The following PALS1 variants were observed in gnomAD, a reference collection of about 807,000 sequenced individuals.
The protein encoded by PALS1 is protein PALS1.
A neutral mutation model predicts 78.9 loss-of-function variants in PALS1; 31 were observed. The ratio of observed to expected loss-of-function variants is 0.39; its 90% CI spans 0.30 to 0.53. PALS1 has a LOEUF of 0.53. Among genes scored for constraint, PALS1 ranks in the 20% least tolerant of loss-of-function variants. The pLI is 0.67. For synonymous variants in PALS1, 276 were observed against 270.9 expected, an observed-to-expected ratio of 1.02 and a Z score of -0.18; for missense variants, 704 against 826.5, an observed-to-expected ratio of 0.85 and a Z score of 1.82.
chr14:67,297,138 G>T (rs1024467939), intron 4 of PALS1, among the ~76,000 whole-genome samples: 4 of 152,158 alleles, frequency 2.6e-5, no homozygotes, highest in African/African-American at 9.7e-5. Flanking sequence ...GAAACCAATA[G>T]CATCTTCCCT....
Position 67,302,400 on chromosome 14 carries a change from A to G in PALS1, c.802-10A>G, listed in dbSNP as rs755109915. 6.6e-6 allele frequency: 10 copies of G among 1,505,392 alleles called. No homozygotes were observed. The East Asian group carries it at 9.8e-5, about 15-fold the overall frequency. 93.3% of individuals were successfully genotyped at this position (1,505,392 alleles called of 1,614,324 possible). Reference sequence around the variant, plus strand: ...TTTTATTTTTAAATTATACATATATATATTTTTAGGGTGCTACAGTTCGTA... The same window carrying G: ...TTTTATTTTTAAATTATACATATATGTATTTTTAGGGTGCTACAGTTCGTA... On this transcript the variant is annotated splice_polypyrimidine_tract_variant and intron_variant, in intron 6 of 14. Coordinates refer to ENST00000261681, the MANE Select transcript of PALS1 (RefSeq NM_022474.4).
chr14:67,284,692 T>G (rs551494032), intron 3 of PALS1, among the ~76,000 whole-genome samples: 33 of 151,530 alleles, frequency 2.2e-4, no homozygotes, highest in African/African-American at 7.5e-4. Flanking sequence ...GAATATACTT[T>G]CTTTTTGGAT....
chr14:67,279,664 C>T (rs1454594475), intron 3 of PALS1, 127 bp downstream of exon 3: 4 of 949,712 alleles, frequency 4.2e-6, no homozygotes, highest in Non-Finnish European at 3.0e-6. Flanking sequence ...AGACCAAGAT[C>T]CTTTGTTTTC....
At chr14:67,324,894 T>C (rs1432649308) in intron 14 of PALS1, among the ~76,000 whole-genome samples, 1 of 145,740 alleles carries the variant, frequency 6.9e-6, no homozygotes, top group Non-Finnish European at 1.5e-5. Context: ...CAGCCTTCCT[T>C]TCATTTTTTT....
intron 1 of PALS1, among the ~76,000 whole-genome samples, chr14:67,251,869 C>A (rs889025428): frequency 1.3e-5 from 2 of 152,150 alleles, no homozygotes; most frequent in Non-Finnish European, 2.9e-5. Flanking sequence ...GGCATGGGGC[C>A]CCACCTTCAA....
intron 14 of PALS1, 103 bp downstream of exon 14, chr14:67,323,915 A>C (rs2085308673): frequency 3.1e-6 from 2 of 638,090 alleles, no homozygotes; most frequent in Non-Finnish European, 5.4e-6. Context: ...TTGAGCTTTC[A>C]AACTGATTAT....
At chr14:67,315,317 C>G (rs1249414004) in intron 9 of PALS1, among the ~76,000 whole-genome samples, 1 of 133,040 alleles carries the variant, frequency 7.5e-6, no homozygotes, top group Non-Finnish European at 1.6e-5. Flanking sequence ...CGCTCTGTCT[C>G]CCAGGCTGGA....
At chr14:67,301,517 T>C (rs764887386) in intron 5 of PALS1, 51 bp downstream of exon 5, 1 of 1,369,028 alleles carries the variant, frequency 7.3e-7, no homozygotes, top group Non-Finnish European at 1.0e-6. Context: ...CATTCTTCTA[T>C]TTTTTTAAAT....
chr14:67,332,818 G>T lies in PALS1; in HGVS notation c.1890G>T (p.Glu630Asp). Residue 630 changes from glutamate to aspartate, a missense_variant, in exon 15 of 15, where the codon GAG (glutamate) becomes GAT (aspartate). Physicochemically the swap from Glu to Asp is conservative, Grantham distance 45. Transcript: ENST00000261681. ...ELREIIEKTR[E>D]MEQNNGHYFD... ...GAGAAATCATTGAGAAGACAAGAGA[G>T]ATGGAGCAGAACAATGGCCACTACT... 1 of 1,613,730 alleles carries T rather than the reference G, an allele frequency of 6.2e-7. No individual in the cohort carries two copies. The highest frequency in any genetic ancestry group is 1.1e-5 in the South Asian group (1 of 91,040).
Position 67,332,992 on chromosome 14 carries a change from C to A in PALS1, c.*36C>A. ...CATTCTGTGGCATGTTGGACTTGATCTGGCAAAAACTGCCAATAGGAGGAC... is the reference window on the plus strand; with the variant it reads ...CATTCTGTGGCATGTTGGACTTGATATGGCAAAAACTGCCAATAGGAGGAC... On this transcript the variant is annotated 3_prime_UTR_variant, in exon 15 of 15. Coordinates refer to ENST00000261681, the MANE Select transcript of PALS1 (RefSeq NM_022474.4). The A allele has an allele frequency of 6.4e-7, 1 of 1,568,206 alleles. No individual in the cohort carries two copies. Among genetic ancestry groups the A allele is most frequent in the Non-Finnish European group, 8.7e-7 (1 of 1,149,970 alleles).
chr14:67,287,296 C>T (rs963308812), intron 3 of PALS1, among the ~76,000 whole-genome samples: 1 of 145,402 alleles, frequency 6.9e-6, no homozygotes, highest in African/African-American at 2.7e-5. Context: ...AGGTCTTTTA[C>T]ATTTCCTTAG....
chr14:67,268,782 G>A (rs2084369141), intron 1 of PALS1, among the ~76,000 whole-genome samples: 1 of 152,130 alleles, frequency 6.6e-6, no homozygotes, highest in Non-Finnish European at 1.5e-5. Flanking sequence ...ACTTTGTGCT[G>A]ACCTCCTATC....
intron 4 of PALS1, chr14:67,295,000 A>T (rs1402926106): frequency 6.6e-6 from 1 of 152,112 alleles, no homozygotes; most frequent in Non-Finnish European, 1.5e-5. Context: ...TTTATAAAGA[A>T]AATTTAGAAC....
intron 8 of PALS1, chr14:67,304,118 A>T (rs1291032848): frequency 6.5e-6 from 1 of 153,634 alleles, no homozygotes; most frequent in Non-Finnish European, 1.4e-5. Context: ...CAGTTTCAGA[A>T]TTTTTTTTAT....
In PALS1 at chr14:67,332,919, C is replaced by G. The variant is rs2085471886; in HGVS notation, c.1991C>G (p.Thr664Ser). The change falls in exon 15 of 15, where the codon ACT (threonine) becomes AGT (serine). Residue 664 changes from threonine (T) to serine (S), a missense_variant. Thr to Ser is a moderately conservative substitution (Grantham distance 58, BLOSUM62 1). Transcript: ENST00000261681. ...ELLRLINKLD[T>S]EPQWVPSTWL... is the part of the protein sequence containing the mutation. Reference sequence around the variant, plus strand: ...CTTAGGTTAATTAACAAACTTGATACTGAACCTCAGTGGGTACCATCCACT... The same window carrying G: ...CTTAGGTTAATTAACAAACTTGATAGTGAACCTCAGTGGGTACCATCCACT... 2 of 1,613,496 alleles carry G rather than the reference C, an allele frequency of 1.2e-6. No homozygotes were observed. Among genetic ancestry groups the G allele is most frequent in the Non-Finnish European group, 1.7e-6 (2 of 1,179,598 alleles).
chr14:67,253,398 G>T (rs757645462), intron 1 of PALS1, among the ~76,000 whole-genome samples: 2 of 152,178 alleles, frequency 1.3e-5, no homozygotes, highest in Non-Finnish European at 2.9e-5. Context: ...AAAGTCAAAT[G>T]AGAGAAAACA....
At chr14:67,270,340 G>T (rs1391297222) in intron 2 of PALS1, 1 of 152,218 alleles carries the variant, frequency 6.6e-6, no homozygotes, top group Non-Finnish European at 1.5e-5. Flanking sequence ...ACTATGTAAA[G>T]ATTTTTGTAT....
At chr14:67,260,111 C>G (rs955933470) in intron 1 of PALS1, among the ~76,000 whole-genome samples, 3 of 152,184 alleles carry the variant, frequency 2.0e-5, no homozygotes, top group African/African-American at 7.2e-5. Context: ...ATGCATCTCT[C>G]TAATAAGTGA....
Position 67,312,677 on chromosome 14 carries a change from G to A in PALS1, c.1192G>A (p.Glu398Lys), listed in dbSNP as rs377724838. Residue 398 changes from glutamate (E) to lysine (K), a missense_variant, in exon 9 of 15, where the codon GAA becomes AAA. By Grantham distance (56) the Glu-to-Lys change is moderately conservative. Coordinates refer to ENST00000261681, the MANE Select transcript of PALS1 (RefSeq NM_022474.4). ...GTGGCAGGCCTACAGGGAAGGGGAC[G>A]AAGATAATCAACCTCTAGCCGGGCT... ...NWWQAYREGD[E>K]DNQPLAGLVP... 73 of 1,611,234 alleles carry A rather than the reference G, an allele frequency of 4.5e-5. No individual in the cohort carries two copies. In the Admixed American group the frequency reaches 7.2e-4, roughly 16 times the overall value.
Sources: gnomAD v4.1 joint callset for allele counts (sites outside exome capture counted in the v4.1 genomes callset) on GRCh38, gnomAD v4.1.1 for gene constraint, MANE v1.5 for transcripts, NCBI Gene and HGNC (gene_info 2026-07-23, HGNC 2026-07-21) for gene names.